ZNF318: variants seen among roughly 807,000 people sequenced by gnomAD.
The protein encoded by ZNF318 is endocrine regulator.
A neutral mutation model predicts 124.2 loss-of-function variants in ZNF318; 51 were observed. The ratio of observed to expected loss-of-function variants is 0.41; its 90% CI spans 0.33 to 0.52. The LOEUF (loss-of-function observed/expected upper bound fraction) is 0.52, where lower values mean the gene tolerates loss of function less well. Ranked by LOEUF, ZNF318 falls within the 20% of genes least tolerant of loss-of-function variation. The pLI is 0.23. For synonymous variants in ZNF318, 1,090 were observed against 1,040.7 expected, an observed-to-expected ratio of 1.05 and a Z score of -0.91; for missense variants, 2,815 against 2,811.2, an observed-to-expected ratio of 1.00 and a Z score of -0.03.
chr6:43,339,162 G>A lies in ZNF318; in HGVS notation c.4836C>T (p.Thr1612=), dbSNP rs767061286. The change falls in exon 10 of 10, where the codon ACC becomes ACT. Residue 1612 remains threonine (T), a synonymous_variant. Coordinates refer to ENST00000361428, the MANE Select transcript of ZNF318 (RefSeq NM_014345.3). This position sits in a 1 kb window ranked among gnomAD's most constrained non-coding sequence, Gnocchi z 4.2. Reference sequence around the variant, plus strand: ...TGCTGTTCAAAGGAGAAGTAGAAGAGGTGTCTGAACTTTTGGTTCTAGAGA... The same window carrying A: ...TGCTGTTCAAAGGAGAAGTAGAAGAAGTGTCTGAACTTTTGGTTCTAGAGA... ...SNLSRTKSSD[T]SSTSPLNSSA... The A allele has an allele frequency of 2.5e-6, 4 of 1,614,168 alleles. No homozygotes were observed.
At position 43,365,386 on chromosome 6, in the gene ZNF318, C is replaced by G; in HGVS notation, c.454G>C (p.Val152Leu). ...DSLEKSLRIT[V>L]GNDHFCVSTP... ...CTAACACAGAAGTGGTCATTGCCAA[C>G]AGTGATCCTTAAGCTCTTTTCCAAA... The change falls in exon 2 of 10, where the codon GTT becomes CTT. Residue 152 changes from valine to leucine, a missense_variant. Around this residue, in one of 4 missense-constraint regions of ZNF318, gnomAD observed 1,377 missense variants for 1,353.5 expected, o/e 1.02. Coordinates refer to ENST00000361428, the MANE Select transcript of ZNF318 (RefSeq NM_014345.3). 1 of 1,614,224 alleles carries G rather than the reference C, an allele frequency of 6.2e-7. No homozygotes were observed. The highest frequency in any genetic ancestry group is 8.5e-7 in the Non-Finnish European group (1 of 1,180,036).
intron 3 of ZNF318, 143 bp downstream of exon 3, chr6:43,356,983 A>T: frequency 1.1e-6 from 1 of 934,362 alleles, no homozygotes; most frequent in Non-Finnish European, 1.6e-6. Flanking sequence ...TTTCGTTTGG[A>T]GAGTCCTAGA....
At chr6:43,346,524 C>CAAAAAAAA (rs59587962) in intron 6 of ZNF318, among the ~76,000 whole-genome samples, 1 of 104,578 alleles carries the variant, frequency 9.6e-6, no homozygotes, top group Non-Finnish European at 1.9e-5. Flanking sequence ...CATCTTTAAC[C>CAAAAAAAA]AAAAAAAAAA....
Position 43,357,825 on chromosome 6 carries a change from G to A in ZNF318, c.549-60C>T, listed in dbSNP as rs571686741. ...ACTTGGAAAGAATAAGAGCAGACAA[G>A]GCTAAGAGACTGGTGTTTGTCAAGG... On this transcript the variant is annotated intron_variant, in intron 2 of 9. Coordinates refer to ENST00000361428, the MANE Select transcript of ZNF318 (RefSeq NM_014345.3). 24 of 1,467,288 alleles carry A rather than the reference G, an allele frequency of 1.6e-5. No homozygotes were observed. The East Asian group carries it at 4.5e-4, about 28-fold the overall frequency. The allele number at this position is 1,467,288 out of a possible 1,614,324, so 90.9% of individuals were successfully genotyped here. A position where few individuals can be genotyped will look rare whatever the true frequency, so the allele number is the denominator to read the frequency against.
chr6:43,365,456 A>G lies in ZNF318; in HGVS notation c.400-16T>C, dbSNP rs148010854. On this transcript the variant is annotated splice_polypyrimidine_tract_variant and intron_variant, in intron 1 of 9. Coordinates refer to ENST00000361428, the MANE Select transcript of ZNF318 (RefSeq NM_014345.3). ...GAGAGCGTCTCTACAAAAGTAAAGG[A>G]TAATATGGTTAGTCAATAGGGTCAA... The G allele has an allele frequency of 3.3e-4, 524 of 1,610,286 alleles. 9 individuals carry two copies. The East Asian group carries it at 0.012, about 36-fold the overall frequency.
chr6:43,342,315 C>T (rs1171172880), intron 7 of ZNF318, 104 bp from the exon 8 acceptor site: 1 of 843,552 alleles, frequency 1.2e-6, no homozygotes, highest in Non-Finnish European at 1.8e-6. Flanking sequence ...CCAGAAGCCC[C>T]CAGCTACCCA....
At chr6:43,368,921 A>C in intron 1 of ZNF318, 46 bp downstream of exon 1, 21 of 1,246,034 alleles carry the variant, frequency 1.7e-5, no homozygotes, top group Middle Eastern at 2.2e-4. Flanking sequence ...ATTCCGGGGG[A>C]GGGGACTGGG....
intron 2 of ZNF318, among the ~76,000 whole-genome samples, chr6:43,364,753 G>C (rs1198641185): frequency 6.6e-6 from 1 of 152,156 alleles, no homozygotes; most frequent in Non-Finnish European, 1.5e-5. Context: ...GCACTCAATA[G>C]TTGTAAAATA....
Position 43,337,053 on chromosome 6 carries a change from C to T in ZNF318, c.*105G>A, listed in dbSNP as rs901093011. ...TTACTTTAAGATGCTGACTGCATCT[C>T]TTGGTGTAGGTTCCAGATGAGATAA... is the stretch of plus-strand genomic sequence containing the variant. On this transcript the variant is annotated 3_prime_UTR_variant, in exon 10 of 10. Transcript: ENST00000361428. The T allele has an allele frequency of 9.1e-7, 1 of 1,100,832 alleles. No homozygotes were observed. Among genetic ancestry groups the T allele is most frequent in the African/African-American group, 1.6e-5 (1 of 63,604 alleles). 68.2% of individuals were successfully genotyped at this position (1,100,832 alleles called of 1,614,324 possible).
rs1370892097 is a variant in ZNF318, at chr6:43,336,205, GGGAAAGGAGGAGGTAGA to G, written c.*936_*952del. ...CATCGTACTATGGTTGAAATTAATT[GGGAAAGGAGGAGGTAGA>G]GGAAAGGATACATATGGGTTTGTGG... On this transcript the variant is annotated 3_prime_UTR_variant, in exon 10 of 10. Coordinates refer to ENST00000361428, the MANE Select transcript of ZNF318 (RefSeq NM_014345.3). The G allele has an allele frequency of 6.6e-6, 1 of 152,586 alleles. No homozygotes were observed. The highest frequency in any genetic ancestry group is 2.4e-5 in the African/African-American group (1 of 41,418). The allele number at this position is 152,586 out of a possible 1,614,324, so 9.5% of individuals were successfully genotyped here. A position where few individuals can be genotyped will look rare whatever the true frequency, so the allele number is the denominator to read the frequency against.
chr6:43,348,371 T>G lies in ZNF318; in HGVS notation c.3025A>C (p.Lys1009Gln). ...TEKPGKAEKS[K>Q]SPEKVSSFSN... ...AACGATGACACTTTTTCTGGGCTCTTAGATTTTTCTGCTTTCCCAGGCTTC... is the reference window on the plus strand; with the variant it reads ...AACGATGACACTTTTTCTGGGCTCTGAGATTTTTCTGCTTTCCCAGGCTTC... Residue 1009 changes from lysine to glutamine, a missense_variant, in exon 6 of 10, where the codon AAG (lysine) becomes CAG (glutamine). This residue lies in a region of ZNF318 where 1,377 missense variants were observed against 1,353.5 expected (regional missense o/e 1.02). Coordinates refer to ENST00000361428, the MANE Select transcript of ZNF318 (RefSeq NM_014345.3). 1 of 1,613,152 alleles carries G rather than the reference T, an allele frequency of 6.2e-7. No individual in the cohort carries two copies. Among genetic ancestry groups the G allele is most frequent in the Non-Finnish European group, 8.5e-7 (1 of 1,179,798 alleles).
rs1418632499 is a variant in ZNF318 at position 43,339,601 on chromosome 6, G to A, written c.4397C>T (p.Ala1466Val). The change falls in exon 10 of 10, where the codon GCT (alanine) becomes GTT (valine). Residue 1466 changes from alanine (A) to valine (V), a missense_variant. By Grantham distance (64) the Ala-to-Val change is moderately conservative. Coordinates refer to ENST00000361428, the MANE Select transcript of ZNF318 (RefSeq NM_014345.3). The surrounding 1 kb of genome is among the most constrained non-coding windows in gnomAD (Gnocchi z 4.2). ...PVIPHPAAPS[A>V]AQANAILAPV... Reference sequence around the variant, plus strand: ...AGCCAAGATAGCATTTGCTTGAGCAGCAGACGGGGCAGCTGGATGAGGTAT... The same window carrying A: ...AGCCAAGATAGCATTTGCTTGAGCAACAGACGGGGCAGCTGGATGAGGTAT... 1.3e-6 allele frequency: 2 copies of A among 1,556,390 alleles called. No individual in the cohort carries two copies. Among genetic ancestry groups the A allele is most frequent in the Non-Finnish European group, 1.7e-6 (2 of 1,147,176 alleles).
rs1442499122 is a variant in ZNF318 at position 43,339,240 on chromosome 6, G to A, written c.4758C>T (p.Ala1586=). The stretch of plus-strand genomic sequence containing the variant: ...GACCACCACTTAGCTTAGTCTCAGG[G>A]GCCCCCTTAGTCTCAGGGGCCCCCT... The part of the protein sequence containing the change: ...GGKGAPETKG[A]PETKLSGGPL... Residue 1586 remains alanine (A), a synonymous_variant, in exon 10 of 10, where the codon GCC becomes GCT. Coordinates refer to ENST00000361428, the MANE Select transcript of ZNF318 (RefSeq NM_014345.3). This position sits in a 1 kb window ranked among gnomAD's most constrained non-coding sequence, Gnocchi z 4.2. The A allele has an allele frequency of 6.2e-7, 1 of 1,610,420 alleles. No individual in the cohort carries two copies. Among genetic ancestry groups the A allele is most frequent in the Non-Finnish European group, 8.5e-7 (1 of 1,178,090 alleles).
rs1779809146 is a variant in ZNF318, at chr6:43,369,475, C to CCGCCTCAGCCGCGGGAGCAGCCCCCT, written c.-136_-111dup. The CCGCCTCAGCCGCGGGAGCAGCCCCCT allele has an allele frequency of 1.1e-6, 1 of 906,160 alleles. No homozygotes were observed. Among genetic ancestry groups the CCGCCTCAGCCGCGGGAGCAGCCCCCT allele is most frequent in the African/African-American group, 1.8e-5 (1 of 55,952 alleles). The allele number at this position is 906,160 out of a possible 1,614,324, so 56.1% of individuals were successfully genotyped here. On this transcript the variant is annotated 5_prime_UTR_variant, in exon 1 of 10. Transcript: ENST00000361428. ...CCGCCGCCACCTCGGCCGCTGCGCG[C>CCGCCTCAGCCGCGGGAGCAGCCCCCT]CGCCTCAGCCGCGGGAGCAGCCCCC...
rs561749024 is a variant in ZNF318 at position 43,339,454 on chromosome 6, G to T, written c.4544C>A (p.Ser1515Tyr). 1.2e-6 allele frequency: 2 copies of T among 1,614,078 alleles called. No individual in the cohort carries two copies. Among genetic ancestry groups the T allele is most frequent in the Non-Finnish European group, 1.7e-6 (2 of 1,180,054 alleles). ...ACTCACCCCAGGAGCTGTCTCATCAGAAGGAATGGCAGCTGGCTGTGCTGA... is the reference window on the plus strand; with the variant it reads ...ACTCACCCCAGGAGCTGTCTCATCATAAGGAATGGCAGCTGGCTGTGCTGA... ...MASAQPAAIP[S>Y]DETAPGVSES... The change falls in exon 10 of 10, where the codon TCT (serine) becomes TAT (tyrosine). Residue 1515 changes from serine to tyrosine, a missense_variant. Around this residue, in one of 4 missense-constraint regions of ZNF318, gnomAD observed 500 missense variants for 605.2 expected, o/e 0.83. Coordinates refer to ENST00000361428, the MANE Select transcript of ZNF318 (RefSeq NM_014345.3). This position sits in a 1 kb window ranked among gnomAD's most constrained non-coding sequence, Gnocchi z 4.2.
intron 8 of ZNF318, 38 bp from the exon 9 acceptor site, chr6:43,340,946 T>C (rs756779549): frequency 6.8e-7 from 1 of 1,462,518 alleles, no homozygotes; most frequent in Non-Finnish European, 9.6e-7. Context: ...AATAAGTCGA[T>C]TCCACCCAGA....
chr6:43,357,067 G>A (rs557974055), intron 3 of ZNF318, 59 bp downstream of exon 3: 2 of 1,520,888 alleles, frequency 1.3e-6, no homozygotes, highest in African/African-American at 2.8e-5. Flanking sequence ...AGGAAAGTAA[G>A]CAGGCTTTAA....
Position 43,348,612 on chromosome 6 carries a change from G to C in ZNF318, c.2784C>G (p.Arg928=), listed in dbSNP as rs373961292. The C allele has an allele frequency of 2.5e-6, 4 of 1,613,628 alleles. No homozygotes were observed. The African/African-American group carries it at 5.3e-5, about 22-fold the overall frequency. Residue 928 remains arginine, a synonymous_variant, in exon 6 of 10, where the codon CGC becomes CGG. Coordinates refer to ENST00000361428, the MANE Select transcript of ZNF318 (RefSeq NM_014345.3). ...GGCCATCCTTCTCCCTTCGTTTCTT[G>C]CGCAGCATTTCTCCTGAGCAATCAA... ...RLHKQQGEML[R]KKRREKDGHK...
At chr6:43,342,636 T>A in intron 7 of ZNF318, 40 bp downstream of exon 7, 2 of 1,594,500 alleles carry the variant, frequency 1.3e-6, no homozygotes, top group Non-Finnish European at 1.7e-6. Flanking sequence ...TTGAAGAGAG[T>A]GAGGGTGGGA....
Sources: gnomAD v4.1 joint callset for allele counts (sites outside exome capture counted in the v4.1 genomes callset) on GRCh38, gnomAD v4.1.1 for gene constraint, gnomAD v4.1.1 regional missense constraint, Gnocchi (gnomAD v3.1) non-coding constraint, MANE v1.5 for transcripts, NCBI Gene and HGNC (gene_info 2026-07-23, HGNC 2026-07-21) for gene names.